RBMS3: variants seen among roughly 807,000 people sequenced by gnomAD.
RBMS3 encodes RNA binding motif single stranded interacting protein 3.
Under a neutral mutation model 66.8 loss-of-function variants are expected in RBMS3, and 27 were observed. That is an observed-to-expected ratio of 0.40 (90% confidence interval 0.30 to 0.56). The LOEUF (loss-of-function observed/expected upper bound fraction) is 0.56, where lower values mean the gene tolerates loss of function less well. RBMS3 is among the 20% of genes least tolerant of loss of function. RBMS3 has a pLI of 0.40. For missense variants in RBMS3, 513 were observed against 549.5 expected (o/e 0.93, Z 0.66); for synonymous variants, 188 against 183.0 (o/e 1.03, Z -0.22).
At chr3:29,544,233 A>G (rs2045866593) in intron 3 of RBMS3, among the ~76,000 whole-genome samples, 1 of 152,208 alleles carries the variant, frequency 6.6e-6, no homozygotes. Context: ...GTTTAATATC[A>G]CACATGTAAT....
At chr3:29,481,602 G>A (rs2043132328) in intron 2 of RBMS3, among the ~76,000 whole-genome samples, 3 of 152,156 alleles carry the variant, frequency 2.0e-5, no homozygotes, top group African/African-American at 4.8e-5. Flanking sequence ...GGAAGGTAGT[G>A]GAGACAGCAT....
chr3:29,901,575 C>T (rs1017776292), intron 10 of RBMS3, among the ~76,000 whole-genome samples: 1 of 151,714 alleles, frequency 6.6e-6, no homozygotes, highest in Non-Finnish European at 1.5e-5. Context: ...CTTTTCCACC[C>T]CAGTACAGCT....
rs1483326588 is a variant in RBMS3, at chr3:30,010,015, G to A, written c.*6153G>A. On this transcript the variant is annotated 3_prime_UTR_variant, in exon 15 of 15. Coordinates refer to ENST00000383767, the MANE Select transcript of RBMS3 (RefSeq NM_001003793.3). Reference sequence around the variant, plus strand: ...ATTTCAAAAGAAGAAGAAGAAAAATGGAATCTTAATTTAAAAAAATATATG... The same window carrying A: ...ATTTCAAAAGAAGAAGAAGAAAAATAGAATCTTAATTTAAAAAAATATATG... The A allele has an allele frequency of 1.3e-5, 2 of 151,604 alleles. No homozygotes were observed. The highest frequency in any genetic ancestry group is 4.8e-5 in the African/African-American group (2 of 41,258). 9.4% of individuals were successfully genotyped at this position (151,604 alleles called of 1,614,324 possible).
chr3:29,593,048 G>C (rs35906662), intron 4 of RBMS3, among the ~76,000 whole-genome samples: 20,837 of 148,470 alleles, frequency 0.14, 1,765 homozygotes, highest in East Asian at 0.3. Context: ...AAAGCATTAG[G>C]ATATATAGCT....
At chr3:29,898,761 G>T (rs1244707757) in intron 9 of RBMS3, among the ~76,000 whole-genome samples, 1 of 151,178 alleles carries the variant, frequency 6.6e-6, no homozygotes, top group Non-Finnish European at 1.5e-5. Context: ...GTGTGTGTGT[G>T]TGTGTGTTTC....
intron 12 of RBMS3, among the ~76,000 whole-genome samples, chr3:29,961,983 A>T (rs547726636): frequency 2.1e-5 from 3 of 140,080 alleles, no homozygotes; most frequent in Non-Finnish European, 3.1e-5. Context: ...TATAATATAT[A>T]TTAATATATA....
At position 29,564,156 on chromosome 3, in the gene RBMS3, GCA is replaced by G. The variant is rs2068952151; in HGVS notation, c.308-22957_308-22956del. 2.0e-5 allele frequency among the ~76,000 whole-genome samples: 3 copies of G among 152,078 alleles called. No individual in the cohort carries two copies. The South Asian group carries it at 6.2e-4, about 32-fold the overall frequency. ...AAACCCACCTGCATAATTTCACATT[GCA>G]TATGTAGCTAATCTATATTACAATA... is the stretch of plus-strand genomic sequence containing the variant. On this transcript the variant is annotated intron_variant, in intron 3 of 14. Transcript: ENST00000383767.
At chr3:29,634,906 A>G (rs2049419694) in intron 4 of RBMS3, among the ~76,000 whole-genome samples, 1 of 151,840 alleles carries the variant, frequency 6.6e-6, no homozygotes, top group Non-Finnish European at 1.5e-5. Context: ...CACTAGTTTG[A>G]GGCTTCTTTC....
At chr3:29,695,091 C>T (rs1302410968) in intron 4 of RBMS3, among the ~76,000 whole-genome samples, 1 of 151,978 alleles carries the variant, frequency 6.6e-6, no homozygotes. Flanking sequence ...CACTTTTGCT[C>T]AAATAACATG....
At chr3:29,346,613 G>A (rs892028538) in intron 1 of RBMS3, among the ~76,000 whole-genome samples, 9 of 151,508 alleles carry the variant, frequency 5.9e-5, no homozygotes, top group East Asian at 2.0e-4. Context: ...CAGGTTGACC[G>A]GACTGGTCTC....
intron 1 of RBMS3, among the ~76,000 whole-genome samples, chr3:29,405,073 G>T (rs548006639): frequency 6.6e-6 from 1 of 152,172 alleles, no homozygotes; most frequent in African/African-American, 2.4e-5. Context: ...CTTGCCTAGG[G>T]TTTATGTTTT....
At chr3:29,450,329 G>A (rs1444867559) in intron 2 of RBMS3, among the ~76,000 whole-genome samples, 2 of 152,196 alleles carry the variant, frequency 1.3e-5, no homozygotes, top group Admixed American at 6.5e-5. Flanking sequence ...GGTCTGGCAA[G>A]TCCTTTTACC....
intron 6 of RBMS3, among the ~76,000 whole-genome samples, chr3:29,850,025 G>A (rs2149517401): frequency 6.6e-6 from 1 of 152,328 alleles, no homozygotes; most frequent in East Asian, 1.9e-4. Context: ...GAGGTAGGCA[G>A]ACGTGAAGAT....
At chr3:29,516,913 A>G (rs2044648797) in intron 3 of RBMS3, among the ~76,000 whole-genome samples, 1 of 152,126 alleles carries the variant, frequency 6.6e-6, no homozygotes, top group Admixed American at 6.5e-5. Context: ...CAATAAATGC[A>G]TTAAAACATG....
At chr3:30,001,752 C>T (rs918974468) in intron 14 of RBMS3, among the ~76,000 whole-genome samples, 16 of 151,076 alleles carry the variant, frequency 1.1e-4, no homozygotes, top group African/African-American at 3.9e-4. Context: ...CACATGAATT[C>T]CTGTTTTCAA....
At chr3:29,753,453 G>A (rs1338163424) in intron 5 of RBMS3, among the ~76,000 whole-genome samples, 1 of 152,188 alleles carries the variant, frequency 6.6e-6, no homozygotes, top group Non-Finnish European at 1.5e-5. Flanking sequence ...TTGAGGGGAA[G>A]TGTTTCCTCC....
intron 14 of RBMS3, among the ~76,000 whole-genome samples, chr3:29,996,382 A>G (rs1399791077): frequency 4.0e-5 from 6 of 149,118 alleles, no homozygotes; most frequent in Middle Eastern, 3.5e-3. Flanking sequence ...CAACAAGGAT[A>G]CCCAGGAATT....
chr3:29,391,037 T>C, intron 1 of RBMS3: 1 of 392,280 alleles, frequency 2.5e-6, no homozygotes, highest in African/African-American at 2.0e-5. Context: ...GTCAAGTTGG[T>C]GGAGGCCCTT....
chr3:29,424,120 G>A lies in RBMS3; in HGVS notation c.76-10623G>A, dbSNP rs533152120. Among the ~76,000 whole-genome samples, 300 of 152,322 alleles carry A rather than the reference G, an allele frequency of 2.0e-3. 2 individuals carry two copies. The highest frequency in any genetic ancestry group is 6.7e-3 in the African/African-American group (278 of 41,568). On this transcript the variant is annotated intron_variant, in intron 1 of 14. Coordinates refer to ENST00000383767, the MANE Select transcript of RBMS3 (RefSeq NM_001003793.3). The stretch of plus-strand genomic sequence containing the variant: ...TTTATAATCTTTTGTAGATATTGAT[G>A]AAGTAGAAACTGAAAAAGTATGGAA...
Sources: gnomAD v4.1 joint callset for allele counts (sites outside exome capture counted in the v4.1 genomes callset) on GRCh38, gnomAD v4.1.1 for gene constraint, MANE v1.5 for transcripts, NCBI Gene and HGNC (gene_info 2026-07-23, HGNC 2026-07-21) for gene names.